Variants in POLR1D observed in about 807,000 individuals in gnomAD.
The protein encoded by POLR1D is RNA polymerase I and III subunit D.
POLR1D carries 8 observed loss-of-function variants against 10.8 expected under a neutral mutation model. That is an observed-to-expected ratio of 0.74 (90% CI 0.43 to 1.33). The LOEUF is 1.33. POLR1D is among the 40% of genes most tolerant of loss of function. POLR1D has a pLI of 0.01. For missense variants in POLR1D, 152 were observed against 161.7 expected (o/e 0.94, Z 0.32); for synonymous variants, 54 against 57.2 (o/e 0.94, Z 0.25).
chr13:27,657,350 T>G (rs1295134704), intron 2 of POLR1D, among the ~76,000 whole-genome samples: 1 of 151,872 alleles, frequency 6.6e-6, no homozygotes, highest in African/African-American at 2.4e-5. Context: ...GGCAACACAG[T>G]GAAACCCCAT....
rs1956053161 is a variant in POLR1D, at chr13:27,629,557, TTTG to T, written c.26+7551_26+7553del. On this transcript the variant is annotated intron_variant, in intron 1 of 2. Transcript: ENST00000399697. ...AAAATCTTAGTAGCCTGTGTATTTT[TTTG>T]TTTTCTTCAGTCTGTAATATGATTT... 2.6e-5 allele frequency among the ~76,000 whole-genome samples: 4 copies of T among 152,246 alleles called. No individual in the cohort carries two copies. The South Asian group carries it at 8.3e-4, about 31-fold the overall frequency.
At chr13:27,627,812 G>T (rs964250701), downstream of POLR1D, among the ~76,000 whole-genome samples, 1 of 149,062 alleles carries the variant, frequency 6.7e-6, no homozygotes, top group Non-Finnish European at 1.5e-5. Flanking sequence ...AGTGAACTGG[G>T]GACATTTGTA....
At chr13:27,661,592 C>G in intron 2 of POLR1D, among the ~76,000 whole-genome samples, 1 of 152,142 alleles carries the variant, frequency 6.6e-6, no homozygotes, top group Non-Finnish European at 1.5e-5. Flanking sequence ...TTTCAGGGCT[C>G]AGATGGTTAC....
At chr13:27,635,171 C>A (rs1956110891) in intron 1 of POLR1D, among the ~76,000 whole-genome samples, 1 of 152,080 alleles carries the variant, frequency 6.6e-6, no homozygotes, top group African/African-American at 2.4e-5. Context: ...GAGAGAGTAA[C>A]TTGTTAAGAA....
rs557453650 is a variant in POLR1D, at chr13:27,643,545, C to T, written c.27-4834C>T. On this transcript the variant is annotated intron_variant, in intron 1 of 2. Transcript: ENST00000399697. ...ATGACTACTAAACCACTAGTTACTA[C>T]TGGCAGTGTGAACCTATAAGCAGTG... Among the ~76,000 whole-genome samples the T allele has an allele frequency of 4.6e-5, 7 of 152,300 alleles. No homozygotes were observed. In the East Asian group the frequency reaches 1.4e-3, roughly 29 times the overall value.
intron 2 of POLR1D, among the ~76,000 whole-genome samples, chr13:27,661,472 C>T (rs780266519): frequency 5.3e-5 from 8 of 152,188 alleles, no homozygotes; most frequent in African/African-American, 1.4e-4. Context: ...AAATCAGCTG[C>T]CCTGTCCTGT....
chr13:27,659,668 G>C (rs1017665354), intron 2 of POLR1D, among the ~76,000 whole-genome samples: 6 of 152,054 alleles, frequency 3.9e-5, no homozygotes, highest in Non-Finnish European at 5.9e-5. Flanking sequence ...CCCTGAATGT[G>C]TTACTGTTAG....
At chr13:27,622,175 G>C in intron 1 of POLR1D, 166 bp downstream of exon 1, 1 of 671,208 alleles carries the variant, frequency 1.5e-6, no homozygotes, top group East Asian at 2.7e-5. Context: ...TTGAGAGGCT[G>C]AGAGGTACAC....
intron 2 of POLR1D, among the ~76,000 whole-genome samples, chr13:27,658,214 A>G (rs142247381): frequency 6.6e-6 from 1 of 152,352 alleles, no homozygotes; most frequent in African/African-American, 2.4e-5. Context: ...GGGTGATTCT[A>G]AAGTGAACAC....
intron 2 of POLR1D, among the ~76,000 whole-genome samples, chr13:27,664,475 A>G (rs1956395851): frequency 6.6e-6 from 1 of 152,022 alleles, no homozygotes; most frequent in Non-Finnish European, 1.5e-5. Context: ...GTTCTAGTTC[A>G]TTCCTTTGTC....
chr13:27,626,041 T>C (rs1213357283), downstream of POLR1D, among the ~76,000 whole-genome samples: 1 of 152,230 alleles, frequency 6.6e-6, no homozygotes, highest in African/African-American at 2.4e-5. Flanking sequence ...ATACAGCATA[T>C]TCTCTTATGG....
At chr13:27,654,929 C>A (rs1024470790) in intron 2 of POLR1D, among the ~76,000 whole-genome samples, 2 of 152,128 alleles carry the variant, frequency 1.3e-5, no homozygotes, top group African/African-American at 4.8e-5. Context: ...CAAATTATAT[C>A]AAAACTATGG....
chr13:27,622,840 G>C, intron 1 of POLR1D, 35 bp from the exon 2 acceptor site: 1 of 1,392,450 alleles, frequency 7.2e-7, no homozygotes, highest in Non-Finnish European at 1.0e-6. Context: ...ACAATATTCA[G>C]TATGATCTCA....
intron 1 of POLR1D, among the ~76,000 whole-genome samples, chr13:27,633,486 A>G (rs921744613): frequency 6.6e-6 from 1 of 152,246 alleles, no homozygotes; most frequent in African/African-American, 2.4e-5. Context: ...ACTTTGTGAA[A>G]TGGACTTTCC....
intron 2 of POLR1D, among the ~76,000 whole-genome samples, chr13:27,656,803 T>C (rs1456283351): frequency 1.6e-5 from 2 of 127,712 alleles, no homozygotes; most frequent in African/African-American, 5.5e-5. Flanking sequence ...TACAGAATTA[T>C]TGTAGCACAT....
chr13:27,628,498 A>G (rs1324687391), intron 1 of POLR1D, among the ~76,000 whole-genome samples: 8 of 152,234 alleles, frequency 5.3e-5, no homozygotes, highest in African/African-American at 1.9e-4. Flanking sequence ...ATTTGAGCAG[A>G]GAAATACAAG....
rs764374705 is a variant in POLR1D at position 27,621,944 on chromosome 13, TC to T, written c.-38del. ...TCGCGCTATGGGACAGAGCCCCCGA[TC>T]CGCCAGCACCACCTGAGGATCCAGA... is the stretch of plus-strand genomic sequence containing the variant. On this transcript the variant is annotated 5_prime_UTR_variant, in exon 1 of 2. The change abolishes the stop of an existing upstream ORF in the 5' untranslated region. Coordinates refer to ENST00000302979, the MANE Select transcript of POLR1D (RefSeq NM_015972.4). 18 of 1,578,432 alleles carry T rather than the reference TC, an allele frequency of 1.1e-5. No individual in the cohort carries two copies. Among genetic ancestry groups the T allele is most frequent in the Middle Eastern group, 1.7e-4 (1 of 6,036 alleles).
At chr13:27,633,407 C>T (rs1956093063) in intron 1 of POLR1D, among the ~76,000 whole-genome samples, 1 of 152,136 alleles carries the variant, frequency 6.6e-6, no homozygotes. Flanking sequence ...AATTCCCAGA[C>T]CGATAATATT....
intron 1 of POLR1D, among the ~76,000 whole-genome samples, chr13:27,632,916 G>A (rs1956088090): frequency 6.6e-6 from 1 of 152,134 alleles, no homozygotes; most frequent in Admixed American, 6.5e-5. Flanking sequence ...ACTCTGTATT[G>A]TTTTTACATT....
Sources: allele counts gnomAD v4.1 joint callset (sites outside exome capture counted in the v4.1 genomes callset), GRCh38; gene constraint gnomAD v4.1.1; transcripts MANE v1.5; gene names NCBI Gene and HGNC (gene_info 2026-07-23, HGNC 2026-07-21).